NLK: variants seen among roughly 807,000 people sequenced by gnomAD.
The protein encoded by NLK is nemo like kinase, also known as serine/threonine-protein kinase NLK.
Under a neutral mutation model 59.0 loss-of-function variants are expected in NLK, and 11 were observed. That is an observed-to-expected ratio of 0.19 (90% CI 0.12 to 0.31). NLK has a LOEUF of 0.31. Among genes scored for constraint, NLK ranks in the 10% least tolerant of loss-of-function variants. The probability of loss-of-function intolerance (pLI) is 1.00; values close to 1 mark genes in which losing one functional copy is unlikely to be tolerated. For synonymous variants in NLK, 235 were observed against 235.9 expected (o/e 1.00, Z 0.03); for missense variants, 410 against 661.1 (o/e 0.62, Z 4.16).
At chr17:28,099,618 C>CCGGACTG (rs1203932330) in intron 1 of NLK, among the ~76,000 whole-genome samples, 6 of 141,412 alleles carry the variant, frequency 4.2e-5, no homozygotes, top group Non-Finnish European at 7.5e-5. Context: ...GTCGCCCAGG[C>CCGGACTG]CGGACTGCGG....
chr17:28,161,339 A>C, intron 4 of NLK, 73 bp downstream of exon 4: 1 of 793,624 alleles, frequency 1.3e-6, no homozygotes, highest in Non-Finnish European at 2.1e-6. Flanking sequence ...TTTAGACTTT[A>C]ATCCGATCTT....
chr17:28,134,812 G>C, intron 3 of NLK, among the ~76,000 whole-genome samples: 1 of 152,044 alleles, frequency 6.6e-6, no homozygotes, highest in Non-Finnish European at 1.5e-5. Flanking sequence ...AACCTGGCCA[G>C]ATGGTTCTGA....
chr17:28,146,724 GT>G (rs1285428053), intron 3 of NLK, among the ~76,000 whole-genome samples: 4 of 151,984 alleles, frequency 2.6e-5, no homozygotes, highest in Non-Finnish European at 5.9e-5. Context: ...AAGTAGAATT[GT>G]TTTGTTCTTA....
intron 7 of NLK, among the ~76,000 whole-genome samples, chr17:28,184,249 T>C (rs767606758): frequency 1.3e-5 from 2 of 152,266 alleles, no homozygotes; most frequent in Admixed American, 6.5e-5. Flanking sequence ...AGGACTAATA[T>C]CTCAGCACCT....
chr17:28,166,492 C>T (rs764974165), intron 5 of NLK, among the ~76,000 whole-genome samples: 5 of 151,948 alleles, frequency 3.3e-5, no homozygotes, highest in Admixed American at 2.0e-4. Context: ...TTTAAGCTGC[C>T]GGAACTCTTT....
intron 1 of NLK, among the ~76,000 whole-genome samples, chr17:28,053,859 A>G (rs951892544): frequency 3.3e-5 from 5 of 152,200 alleles, no homozygotes; most frequent in Non-Finnish European, 5.9e-5. Flanking sequence ...GTGTAAGTTA[A>G]TTGAAATAAG....
chr17:28,158,679 G>C (rs933218398), intron 3 of NLK, among the ~76,000 whole-genome samples: 1 of 151,694 alleles, frequency 6.6e-6, no homozygotes, highest in African/African-American at 2.4e-5. Context: ...GCCTAGGCTG[G>C]ATTGCAGTGG....
chr17:28,102,965 A>G (rs1053560766), intron 1 of NLK, among the ~76,000 whole-genome samples: 1 of 152,184 alleles, frequency 6.6e-6, no homozygotes, highest in African/African-American at 2.4e-5. Context: ...GGTGGCTCTT[A>G]TGTCTGTCTT....
At chr17:28,118,411 A>G (rs1393551918) in intron 1 of NLK, among the ~76,000 whole-genome samples, 1 of 152,348 alleles carries the variant, frequency 6.6e-6, no homozygotes, top group African/African-American at 2.4e-5. Flanking sequence ...TATCAGAAAC[A>G]TGAATTTTAA....
rs529584986 is a variant in NLK, at chr17:28,187,475, T to C, written c.1236+2210T>C. Among the ~76,000 whole-genome samples the C allele has an allele frequency of 4.6e-5, 7 of 152,272 alleles. No individual in the cohort carries two copies. In the East Asian group the frequency reaches 1.4e-3, roughly 29 times the overall value. ...GTGCCACCACACCCGGCTAATTTTA[T>C]ATTTTTAGTAGAGATGGGGTTTCAC... On this transcript the variant is annotated intron_variant, in intron 8 of 10. Coordinates refer to ENST00000407008, the MANE Select transcript of NLK (RefSeq NM_016231.5).
At position 28,192,367 on chromosome 17, in the gene NLK, A is replaced by G. The variant is rs1234089291; in HGVS notation, c.1529+154A>G. ...GAGGTTTGGCTTTAGTCAAAAGTGT[A>G]TTAAAACTGTAAGCATCTGGGCTGG... On this transcript the variant is annotated intron_variant, in intron 10 of 10. Transcript: ENST00000407008. 6.6e-6 allele frequency among the ~76,000 whole-genome samples: 1 copy of G among 152,230 alleles called. No individual in the cohort carries two copies. The highest frequency in any genetic ancestry group is 2.4e-5 in the African/African-American group (1 of 41,464).
intron 1 of NLK, among the ~76,000 whole-genome samples, chr17:28,092,390 A>G (rs1359126603): frequency 2.6e-5 from 4 of 152,258 alleles, no homozygotes; most frequent in Non-Finnish European, 5.9e-5. Context: ...ACATTTCTTT[A>G]CAGCAAATGG....
At chr17:28,135,581 G>A (rs1906710222) in intron 3 of NLK, among the ~76,000 whole-genome samples, 1 of 152,226 alleles carries the variant, frequency 6.6e-6, no homozygotes, top group Admixed American at 6.5e-5. Context: ...GAAGTCAGGG[G>A]CCAGTCTTGA....
chr17:28,064,598 A>G (rs1909767733), intron 1 of NLK, among the ~76,000 whole-genome samples: 1 of 152,174 alleles, frequency 6.6e-6, no homozygotes, highest in Admixed American at 6.5e-5. Context: ...GGGTCTCATT[A>G]TGTTGCCTAG....
intron 1 of NLK, among the ~76,000 whole-genome samples, chr17:28,096,936 TA>T (rs1904721427): frequency 1.3e-5 from 2 of 152,200 alleles, no homozygotes; most frequent in South Asian, 4.1e-4. Flanking sequence ...CTGAAGGGTC[TA>T]AACAGTGATA....
intron 1 of NLK, among the ~76,000 whole-genome samples, chr17:28,063,341 T>C (rs930856125): frequency 6.6e-6 from 1 of 152,180 alleles, no homozygotes; most frequent in East Asian, 1.9e-4. Flanking sequence ...TTGAGTACTC[T>C]CAATGTTGGA....
chr17:28,052,889 T>G (rs889673636), intron 1 of NLK, among the ~76,000 whole-genome samples: 7 of 126,674 alleles, frequency 5.5e-5, no homozygotes, highest in Admixed American at 1.6e-4. Context: ...ATCTCTGGTG[T>G]TTTTTTTTTT....
chr17:28,168,989 G>A lies in NLK; in HGVS notation c.1047+332G>A, dbSNP rs35052180. Among the ~76,000 whole-genome samples the A allele has an allele frequency of 6.4e-3, 972 of 152,160 alleles. 8 individuals carry two copies. Among genetic ancestry groups the A allele is most frequent in the African/African-American group, 0.023 (946 of 41,504 alleles). Reference sequence around the variant, plus strand: ...CAACCTCCACCTGCCAGGTTCAAGCGATTCTCCTGCCTCAGCCTCCCAAGT... The same window carrying A: ...CAACCTCCACCTGCCAGGTTCAAGCAATTCTCCTGCCTCAGCCTCCCAAGT... On this transcript the variant is annotated intron_variant, in intron 6 of 10. Transcript: ENST00000407008.
At chr17:28,113,462 G>C (rs1291995973) in intron 1 of NLK, among the ~76,000 whole-genome samples, 2 of 152,238 alleles carry the variant, frequency 1.3e-5, no homozygotes, top group Admixed American at 1.3e-4. Context: ...TTGATTATAT[G>C]CTAAACAAAG....
Sources: gnomAD v4.1 joint callset for allele counts (sites outside exome capture counted in the v4.1 genomes callset) on GRCh38, gnomAD v4.1.1 for gene constraint, MANE v1.5 for transcripts, NCBI Gene and HGNC (gene_info 2026-07-23, HGNC 2026-07-21) for gene names.